The following CRTAC1 variants were observed in gnomAD, a reference collection of about 807,000 sequenced individuals.
CRTAC1 encodes cartilage acidic protein 1, also known as acidic secreted protein in cartilage.
In CRTAC1, 37 loss-of-function variants were observed where a neutral mutation model predicts 67.8. The observed-to-expected ratio is 0.55, with a 90% confidence interval of 0.42 to 0.72. The LOEUF (loss-of-function observed/expected upper bound fraction) is 0.72. CRTAC1 is among the 30% of genes least tolerant of loss of function. CRTAC1 has a pLI of 0.00. For synonymous variants in CRTAC1, 348 were observed against 371.0 expected (o/e 0.94, Z 0.71); for missense variants, 780 against 931.6 (o/e 0.84, Z 2.12).
At chr10:97,891,854 G>C (rs895444817) in intron 11 of CRTAC1, among the ~76,000 whole-genome samples, 1 of 152,212 alleles carries the variant, frequency 6.6e-6, no homozygotes, top group Admixed American at 6.5e-5. Context: ...CCCGCCTCTC[G>C]CTGTGTCCCT....
chr10:97,944,862 A>G (rs1157608395), intron 2 of CRTAC1, among the ~76,000 whole-genome samples: 3 of 152,198 alleles, frequency 2.0e-5, no homozygotes, highest in African/African-American at 7.2e-5. Flanking sequence ...CATGTGAAAG[A>G]GCACCAAGGC....
intron 2 of CRTAC1, among the ~76,000 whole-genome samples, chr10:97,999,311 C>T (rs1842644209): frequency 6.6e-6 from 1 of 152,252 alleles, no homozygotes. Flanking sequence ...CTTGCCCTCA[C>T]AGGCTCAGAA....
chr10:98,006,375 C>T (rs1842790938), intron 2 of CRTAC1, among the ~76,000 whole-genome samples: 1 of 152,204 alleles, frequency 6.6e-6, no homozygotes, highest in African/African-American at 2.4e-5. Flanking sequence ...AATCATGCAC[C>T]TGCTGGTTAA....
intron 2 of CRTAC1, among the ~76,000 whole-genome samples, chr10:97,954,686 G>A (rs1010093475): frequency 2.0e-5 from 3 of 152,182 alleles, no homozygotes; most frequent in Non-Finnish European, 4.4e-5. Context: ...GTCTCCTAGG[G>A]CTGCCGTAAC....
At chr10:97,865,847 T>A in intron 14 of CRTAC1, 133 bp from the exon 15 acceptor site, 1 of 1,276,814 alleles carries the variant, frequency 7.8e-7, no homozygotes, top group South Asian at 1.5e-5. Context: ...ACGGGCCTCA[T>A]ATTTCCTGTG....
intron 2 of CRTAC1, among the ~76,000 whole-genome samples, chr10:97,937,003 G>C (rs1448830158): frequency 6.6e-6 from 1 of 152,172 alleles, no homozygotes; most frequent in Non-Finnish European, 1.5e-5. Flanking sequence ...CAACTCTCTC[G>C]ACAAAGTCCC....
At chr10:97,902,631 TG>T (rs1329797676) in intron 7 of CRTAC1, among the ~76,000 whole-genome samples, 1 of 152,182 alleles carries the variant, frequency 6.6e-6, no homozygotes, top group African/African-American at 2.4e-5. Context: ...TCATCATAGG[TG>T]GGTTTTTCCC....
chr10:97,940,149 C>T (rs1163496999), intron 2 of CRTAC1, among the ~76,000 whole-genome samples: 2 of 152,330 alleles, frequency 1.3e-5, no homozygotes, highest in East Asian at 1.9e-4. Context: ...ATGCTAAGTG[C>T]TTTGTACCCA....
rs199539005 is a variant in CRTAC1, at chr10:97,969,826, TA to T, written c.225-33461del. The stretch of plus-strand genomic sequence containing the variant: ...GGAGGCAGTAGGCTTAGTCATTGGG[TA>T]TCTCCTCTCCCATCCATTTTCACTC... On this transcript the variant is annotated intron_variant, in intron 2 of 14. Coordinates refer to ENST00000370597, the MANE Select transcript of CRTAC1 (RefSeq NM_018058.7). Among the ~76,000 whole-genome samples, 547 of 152,164 alleles carry T rather than the reference TA, an allele frequency of 3.6e-3. 6 individuals are homozygous for T. The East Asian group carries it at 0.039, about 11-fold the overall frequency.
At chr10:97,999,881 A>G (rs1022628159) in intron 2 of CRTAC1, among the ~76,000 whole-genome samples, 4 of 152,186 alleles carry the variant, frequency 2.6e-5, no homozygotes, top group African/African-American at 9.7e-5. Context: ...CACTGCTGAG[A>G]GCGGCAGAGA....
At chr10:97,907,935 G>C (rs1427799014) in intron 6 of CRTAC1, 78 bp downstream of exon 6, 4 of 1,500,206 alleles carry the variant, frequency 2.7e-6, no homozygotes, top group Admixed American at 1.8e-5. Context: ...TATCCTGGAG[G>C]GGGCAGGGCA....
At chr10:97,925,674 AG>A (rs1431563493) in intron 3 of CRTAC1, among the ~76,000 whole-genome samples, 2 of 12,942 alleles carry the variant, frequency 1.5e-4, no homozygotes, top group Admixed American at 1.0e-3. Context: ...AGAGTGTGAG[AG>A]GGGGGTGGGT....
chr10:97,956,071 A>C (rs546665493), intron 2 of CRTAC1, among the ~76,000 whole-genome samples: 10 of 152,332 alleles, frequency 6.6e-5, no homozygotes, highest in African/African-American at 2.4e-4. Context: ...CTTCTGTTAA[A>C]GGCCTACGAT....
intron 1 of CRTAC1, among the ~76,000 whole-genome samples, chr10:98,012,454 T>C (rs1842927958): frequency 6.6e-6 from 1 of 152,210 alleles, no homozygotes; most frequent in Non-Finnish European, 1.5e-5. Context: ...TGCATGGGTC[T>C]AGTCCCAGCA....
Position 97,879,948 on chromosome 10 carries a change from T to C in CRTAC1, c.1819+301A>G, listed in dbSNP as rs996453112. On this transcript the variant is annotated intron_variant, in intron 14 of 14. Transcript: ENST00000370597. ...GATGAGTAGTAGGAGTTAGTTTATA[T>C]CCCAGCTATGAAAATACGGGCTGAC... The C allele has an allele frequency of 5.1e-6, 4 of 778,980 alleles. No homozygotes were observed. The South Asian group carries it at 5.6e-5, about 11-fold the overall frequency. 48.3% of individuals were successfully genotyped at this position (778,980 alleles called of 1,614,324 possible).
At position 97,895,542 on chromosome 10, in the gene CRTAC1, AAGAT is replaced by A. The variant is rs2050445698; in HGVS notation, c.1318-133_1318-130del. On this transcript the variant is annotated intron_variant, in intron 10 of 14. Transcript: ENST00000370597. This position sits in a 1 kb window ranked among gnomAD's most constrained non-coding sequence, Gnocchi z 4.2. ...AAGAGAAGAAAGCAGGCAGAGGAAA[AAGAT>A]AGAAACAGGAAGCCAAACAAGAAAA... 1.2e-6 allele frequency: 1 copy of A among 850,548 alleles called. No individual in the cohort carries two copies. 52.7% of individuals were successfully genotyped at this position (850,548 alleles called of 1,614,324 possible). A position where few individuals can be genotyped will look rare whatever the true frequency, so the allele number is the denominator to read the frequency against.
intron 4 of CRTAC1, among the ~76,000 whole-genome samples, chr10:97,923,036 T>C (rs1326675728): frequency 6.6e-6 from 1 of 152,210 alleles, no homozygotes; most frequent in Non-Finnish European, 1.5e-5. Context: ...GAGGACACAA[T>C]GATCCCTTGG....
intron 11 of CRTAC1, among the ~76,000 whole-genome samples, chr10:97,894,266 T>C (rs1321581178): frequency 6.6e-6 from 1 of 152,244 alleles, no homozygotes; most frequent in Non-Finnish European, 1.5e-5. Flanking sequence ...CTCCAGAAGC[T>C]ACCTGGATCC....
At chr10:97,880,107 G>A in intron 14 of CRTAC1, 142 bp downstream of exon 14, 2 of 972,402 alleles carry the variant, frequency 2.1e-6, no homozygotes, top group South Asian at 3.2e-5. Context: ...GGTCTTCCCT[G>A]GAGACCCAAT....
Sources: gnomAD v4.1 joint callset for allele counts (sites outside exome capture counted in the v4.1 genomes callset) on GRCh38, gnomAD v4.1.1 for gene constraint, Gnocchi (gnomAD v3.1) non-coding constraint, MANE v1.5 for transcripts, NCBI Gene and HGNC (gene_info 2026-07-23, HGNC 2026-07-21) for gene names.